PRX: variants seen among roughly 807,000 people sequenced by gnomAD.
PRX encodes periaxin.
In PRX, 24 loss-of-function variants were observed where a neutral mutation model predicts 29.6. The ratio of observed to expected loss-of-function variants is 0.81; its 90% confidence interval spans 0.59 to 1.14. The LOEUF (loss-of-function observed/expected upper bound fraction) is 1.14, where lower values mean the gene tolerates loss of function less well. PRX is among the 50% of genes most tolerant of loss of function. The probability of loss-of-function intolerance (pLI) is 0.00; values close to 1 mark genes in which losing one functional copy is unlikely to be tolerated. For synonymous variants in PRX, 772 were observed against 831.7 expected, an observed-to-expected ratio of 0.93 and a Z score of 1.24; for missense variants, 1,838 against 1,926.4, an observed-to-expected ratio of 0.95 and a Z score of 0.86.
intron 4 of PRX, among the ~76,000 whole-genome samples, chr19:40,404,877 A>C (rs1283089820): frequency 6.6e-6 from 1 of 152,106 alleles, no homozygotes; most frequent in Non-Finnish European, 1.5e-5. Flanking sequence ...TCTGGCCCGG[A>C]GACCCATATT....
chr19:40,398,647 C>T lies in PRX; in HGVS notation c.354G>A (p.Lys118=), dbSNP rs1044654884. 10 of 1,613,698 alleles carry T rather than the reference C, an allele frequency of 6.2e-6. No homozygotes were observed. The Admixed American group carries it at 8.3e-5, about 13-fold the overall frequency. ...GCTTGGCCACCTTGGCCCGCGGGCC[C>T]TTGATCTCGTAGCCAGACACGGTCC... ...RPGTVSGYEI[K]GPRAKVAKLN... is the part of the protein sequence containing the mutation. The change falls in exon 6 of 7, where the codon AAG becomes AAA. Residue 118 remains lysine, a synonymous_variant. Coordinates refer to ENST00000324001, the MANE Select transcript of PRX (RefSeq NM_181882.3). This position sits in a 1 kb window ranked among gnomAD's most constrained non-coding sequence, Gnocchi z 6.3.
chr19:40,399,850 C>CCATTCTTTCTTTCTTTCTTT, intron 5 of PRX, among the ~76,000 whole-genome samples: 2 of 119,624 alleles, frequency 1.7e-5, no homozygotes, highest in Non-Finnish European at 3.6e-5. Flanking sequence ...AGCTTTCTTT[C>CCATTCTTTCTTTCTTTCTTT]CTTTCTTTCT....
chr19:40,399,905 T>C (rs758543388), intron 5 of PRX, among the ~76,000 whole-genome samples: 1 of 73,966 alleles, frequency 1.4e-5, no homozygotes. Flanking sequence ...CTTTCTTTCT[T>C]TTTCTTTCTT....
chr19:40,401,830 C>A (rs116069843), intron 5 of PRX, among the ~76,000 whole-genome samples: 253 of 149,982 alleles, frequency 1.7e-3, no homozygotes, highest in African/African-American at 6.1e-3. Flanking sequence ...TGAAGTGGCG[C>A]GAACTCGGCT....
At chr19:40,406,080 C>A (rs954305662) in intron 4 of PRX, among the ~76,000 whole-genome samples, 3 of 151,720 alleles carry the variant, frequency 2.0e-5, no homozygotes, top group African/African-American at 7.3e-5. Flanking sequence ...AACTCCATCT[C>A]TACTAAAAGT....
chr19:40,404,315 G>T (rs1387724231), intron 4 of PRX, among the ~76,000 whole-genome samples: 1 of 152,040 alleles, frequency 6.6e-6, no homozygotes, highest in East Asian at 1.9e-4. Flanking sequence ...GGGAGGAGAC[G>T]GGGTTGTAAG....
At position 40,398,090 on chromosome 19, in the gene PRX, C is replaced by T; in HGVS notation, c.382-120G>A. 6.9e-7 allele frequency: 1 copy of T among 1,452,356 alleles called. No individual in the cohort carries two copies. Among genetic ancestry groups the T allele is most frequent in the South Asian group, 1.5e-5 (1 of 68,074 alleles). 90.0% of individuals were successfully genotyped at this position (1,452,356 alleles called of 1,614,324 possible). On this transcript the variant is annotated intron_variant, in intron 6 of 6. Coordinates refer to ENST00000324001, the MANE Select transcript of PRX (RefSeq NM_181882.3). The surrounding 1 kb of genome is among the most constrained non-coding windows in gnomAD (Gnocchi z 6.3). Reference sequence around the variant, plus strand: ...TGTGCTGGGTCAAGTATCTTGTTCCCCAAACATCATCCCCACTTCTTGCCT... The same window carrying T: ...TGTGCTGGGTCAAGTATCTTGTTCCTCAAACATCATCCCCACTTCTTGCCT...
At chr19:40,403,684 C>T (rs2079511432) in intron 5 of PRX, 22 bp downstream of exon 5, 7 of 1,537,088 alleles carry the variant, frequency 4.6e-6, no homozygotes, top group Non-Finnish European at 6.1e-6. Context: ...TCGACCCCGC[C>T]CCACACCCCG....
rs781689678 is a variant in PRX at position 40,407,968 on chromosome 19, G to A, written c.-36C>T. On this transcript the variant is annotated 5_prime_UTR_variant, in exon 4 of 7. Transcript: ENST00000324001. Reference sequence around the variant, plus strand: ...GGAGGCACCTGCACCCCAGGCTCCTGTGTCCTCTCCCCTTTCTGCTGCAGA... The same window carrying A: ...GGAGGCACCTGCACCCCAGGCTCCTATGTCCTCTCCCCTTTCTGCTGCAGA... The A allele has an allele frequency of 1.2e-6, 2 of 1,613,508 alleles. No homozygotes were observed. The highest frequency in any genetic ancestry group is 2.2e-5 in the East Asian group (1 of 44,888).
At position 40,393,989 on chromosome 19, in the gene PRX, C is replaced by T. The variant is rs1404451377; in HGVS notation, c.4363G>A (p.Gly1455Arg). ...TGAPGPARMEGAQAAAV is the reference protein window; with the variant it reads ...TGAPGPARMERAQAAAV ...CTTCAGACAGCCGCAGCCTGAGCCCCCTCCATCCTGGCCGGGCCTGGAGCC... is the reference window on the plus strand; with the variant it reads ...CTTCAGACAGCCGCAGCCTGAGCCCTCTCCATCCTGGCCGGGCCTGGAGCC... Residue 1455 changes from glycine to arginine, a missense_variant, in exon 7 of 7, where the codon GGG becomes AGG. This residue lies in a region of PRX where 1,143 missense variants were observed against 1,193.0 expected (regional missense o/e 0.96). Coordinates refer to ENST00000324001, the MANE Select transcript of PRX (RefSeq NM_181882.3). 1 of 1,613,332 alleles carries T rather than the reference C, an allele frequency of 6.2e-7. No homozygotes were observed. Among genetic ancestry groups the T allele is most frequent in the African/African-American group, 1.3e-5 (1 of 75,042 alleles).
At position 40,394,231 on chromosome 19, in the gene PRX, A is replaced by ACCCGGC. The variant is rs1478836340; in HGVS notation, c.4115_4120dup (p.Gly1372_Arg1373dup). 2.5e-6 allele frequency: 4 copies of ACCCGGC among 1,603,266 alleles called. No homozygotes were observed. The African/African-American group carries it at 4.0e-5, about 16-fold the overall frequency. ...GCCTACACGTGGCAAGCGGACCCGG[A>ACCCGGC]CCCGGCCCCGGCGACCCGAGGCCCC... On this transcript the variant is annotated inframe_insertion, in exon 7 of 7. Transcript: ENST00000324001. The surrounding 1 kb of genome is among the most constrained non-coding windows in gnomAD (Gnocchi z 5.8).
chr19:40,395,357 C>A lies in PRX; in HGVS notation c.2995G>T (p.Asp999Tyr), dbSNP rs1599651903. 6.2e-7 allele frequency: 1 copy of A among 1,613,778 alleles called. No homozygotes were observed. The highest frequency in any genetic ancestry group is 8.5e-7 in the Non-Finnish European group (1 of 1,180,032). The change falls in exon 7 of 7, where the codon GAT becomes TAT. Residue 999 changes from aspartate to tyrosine, a missense_variant. Asp to Tyr is a radical substitution (Grantham distance 160, BLOSUM62 -3). Coordinates refer to ENST00000324001, the MANE Select transcript of PRX (RefSeq NM_181882.3). ...LDLSIPQLSL[D>Y]AHLPSGKVEV... ...ACCTTGCCTGAGGGCAGGTGGGCAT[C>A]CAGGCTGAGCTGTGGGATGGACAGA... is the stretch of plus-strand genomic sequence containing the variant.
chr19:40,414,055 A>G (rs937515044), upstream of PRX, among the ~76,000 whole-genome samples: 6 of 152,142 alleles, frequency 3.9e-5, no homozygotes, highest in Non-Finnish European at 7.4e-5. Flanking sequence ...CACCTATCAC[A>G]TACTAAGTAC....
intron 1 of PRX, among the ~76,000 whole-genome samples, chr19:40,412,726 G>C (rs1199512604): frequency 6.6e-6 from 1 of 151,984 alleles, no homozygotes; most frequent in East Asian, 1.9e-4. Context: ...TTGTTAGTTT[G>C]TTTTTTGGAG....
rs560098029 is a variant in PRX, at chr19:40,397,991, C to G, written c.382-21G>C. 3.8e-6 allele frequency: 6 copies of G among 1,598,030 alleles called. No homozygotes were observed. In the South Asian group the frequency reaches 6.8e-5, roughly 18 times the overall value. On this transcript the variant is annotated intron_variant, in intron 6 of 6. Transcript: ENST00000324001. ...ATGTTCTGGGGAGAGAGGAGAGAGG[C>G]AGGAGGCGGTGGGACAGTGGGAGGC... is the stretch of plus-strand genomic sequence containing the variant.
chr19:40,398,192 G>A lies in PRX; in HGVS notation c.382-222C>T, dbSNP rs757058048. ...AATGAGTCAACAGGAGTGTAGGGAC[G>A]GGGACCCAAGACTTCTAGATCCTGA... On this transcript the variant is annotated intron_variant, in intron 6 of 6. Transcript: ENST00000324001. This position sits in a 1 kb window ranked among gnomAD's most constrained non-coding sequence, Gnocchi z 6.3. 1.6e-4 allele frequency: 234 copies of A among 1,420,290 alleles called. No individual in the cohort carries two copies. Among genetic ancestry groups the A allele is most frequent in the Non-Finnish European group, 2.1e-4 (226 of 1,092,830 alleles). The allele number at this position is 1,420,290 out of a possible 1,614,324, so 88.0% of individuals were successfully genotyped here.
At chr19:40,403,406 G>A (rs991362702) in intron 5 of PRX, among the ~76,000 whole-genome samples, 3 of 152,022 alleles carry the variant, frequency 2.0e-5, no homozygotes, top group African/African-American at 7.2e-5. Flanking sequence ...ATACTGACTC[G>A]TTAAATCCTC....
At chr19:40,413,061 C>T (rs764028670) in intron 1 of PRX, among the ~76,000 whole-genome samples, 1 of 152,060 alleles carries the variant, frequency 6.6e-6, no homozygotes, top group African/African-American at 2.4e-5. Context: ...CTCATTTACT[C>T]GGCACCAGCC....
chr19:40,399,576 A>G (rs1489998453), intron 5 of PRX, among the ~76,000 whole-genome samples: 1 of 152,222 alleles, frequency 6.6e-6, no homozygotes, highest in Non-Finnish European at 1.5e-5. Context: ...TCATCTGCTT[A>G]AACCACTCAG....
Sources: gnomAD v4.1 joint callset for allele counts (sites outside exome capture counted in the v4.1 genomes callset) on GRCh38, gnomAD v4.1.1 for gene constraint, gnomAD v4.1.1 regional missense constraint, Gnocchi (gnomAD v3.1) non-coding constraint, MANE v1.5 for transcripts, NCBI Gene and HGNC (gene_info 2026-07-23, HGNC 2026-07-21) for gene names.